Variants in CACNB4 observed in about 807,000 individuals in gnomAD.
CACNB4 encodes the protein voltage-dependent L-type calcium channel subunit beta-4.
A neutral mutation model predicts 71.2 loss-of-function variants in CACNB4; 32 were observed. The observed-to-expected ratio is 0.45, with a 90% confidence interval of 0.34 to 0.60. The LOEUF (loss-of-function observed/expected upper bound fraction) is 0.60. Ranked by LOEUF, CACNB4 falls within the 20% of genes least tolerant of loss-of-function variation. The probability of loss-of-function intolerance (pLI) is 0.01; values close to 1 mark genes in which losing one functional copy is unlikely to be tolerated. For missense variants in CACNB4, 464 were observed against 647.9 expected (o/e 0.72, Z 3.08); for synonymous variants, 231 against 236.9 (o/e 0.97, Z 0.23).
At chr2:152,018,806 AACAC>A (rs10600477) in intron 2 of CACNB4, among the ~76,000 whole-genome samples, 58,528 of 146,570 alleles carry the variant, frequency 0.4, 13,916 homozygotes, top group Non-Finnish European at 0.55. Context: ...CCTGTCTCAA[AACAC>A]ACACACACAC....
At chr2:152,038,296 G>A (rs1422163239) in intron 2 of CACNB4, among the ~76,000 whole-genome samples, 3 of 152,226 alleles carry the variant, frequency 2.0e-5, no homozygotes, top group African/African-American at 7.2e-5. Flanking sequence ...ACAAGTTGCT[G>A]AGAACCACGC....
At chr2:151,949,363 C>A (rs7564060) in intron 2 of CACNB4, among the ~76,000 whole-genome samples, 69,547 of 151,800 alleles carry the variant, frequency 0.46, 19,820 homozygotes, top group Non-Finnish European at 0.64. Flanking sequence ...GTAAAAGATA[C>A]AGAGAAGCAA....
intron 2 of CACNB4, among the ~76,000 whole-genome samples, chr2:151,982,565 G>A (rs954062338): frequency 9.9e-5 from 15 of 151,432 alleles, no homozygotes; most frequent in Admixed American, 7.2e-4. Context: ...ACCTGGAGGC[G>A]GAGCTTGCAG....
intron 2 of CACNB4, among the ~76,000 whole-genome samples, chr2:152,087,751 C>T (rs1036410082): frequency 7.9e-5 from 12 of 152,106 alleles, no homozygotes; most frequent in South Asian, 4.2e-4. Context: ...TGATGGTGCA[C>T]GCCTGCAGTC....
intron 2 of CACNB4, among the ~76,000 whole-genome samples, chr2:151,974,606 A>G (rs1189970905): frequency 1.3e-5 from 2 of 152,226 alleles, no homozygotes; most frequent in Admixed American, 6.5e-5. Context: ...GCAACAGCCA[A>G]TGTCTTCACG....
intron 2 of CACNB4, among the ~76,000 whole-genome samples, chr2:151,997,958 T>C (rs1266749026): frequency 1.3e-5 from 2 of 152,234 alleles, no homozygotes; most frequent in Non-Finnish European, 2.9e-5. Flanking sequence ...CTCATTACTC[T>C]ATTACACTGG....
chr2:152,049,680 G>A (rs1685319446), intron 2 of CACNB4, among the ~76,000 whole-genome samples: 1 of 151,806 alleles, frequency 6.6e-6, no homozygotes, highest in Non-Finnish European at 1.5e-5. Context: ...CCTAGATTCT[G>A]TCTCCCTATA....
intron 5 of CACNB4, among the ~76,000 whole-genome samples, chr2:151,875,304 T>C (rs1183679138): frequency 1.4e-5 from 2 of 147,674 alleles, no homozygotes; most frequent in African/African-American, 2.5e-5. Context: ...GAGCACAGGG[T>C]TGGGGGTAAG....
At chr2:151,879,456 T>TC (rs570445262) in intron 4 of CACNB4, 3 of 151,970 alleles carry the variant, frequency 2.0e-5, no homozygotes, top group Non-Finnish European at 4.4e-5. Flanking sequence ...CTTTTTTTTT[T>TC]TTATTATTGA....
chr2:151,945,383 G>A (rs750397341), intron 2 of CACNB4, among the ~76,000 whole-genome samples: 1 of 152,160 alleles, frequency 6.6e-6, no homozygotes, highest in Non-Finnish European at 1.5e-5. Flanking sequence ...TAACAATGGG[G>A]ATAGGCCGGG....
At chr2:152,095,489 A>T (rs1447745174) in intron 2 of CACNB4, among the ~76,000 whole-genome samples, 1 of 151,758 alleles carries the variant, frequency 6.6e-6, no homozygotes, top group South Asian at 2.1e-4. Context: ...TGTAAATAAT[A>T]TGATAAAGAA....
At chr2:151,986,944 G>T (rs1362861161) in intron 2 of CACNB4, among the ~76,000 whole-genome samples, 1 of 152,120 alleles carries the variant, frequency 6.6e-6, no homozygotes, top group Non-Finnish European at 1.5e-5. Flanking sequence ...GGTGCTCAAA[G>T]TGGTCATCTC....
intron 5 of CACNB4, 89 bp downstream of exon 5, chr2:151,876,337 A>C (rs1011852018): frequency 1.8e-6 from 2 of 1,120,152 alleles, no homozygotes; most frequent in Admixed American, 2.6e-5. Flanking sequence ...CACACAGAAA[A>C]GTATCTTCTA....
At chr2:152,017,965 C>T (rs543031257) in intron 2 of CACNB4, among the ~76,000 whole-genome samples, 25 of 151,662 alleles carry the variant, frequency 1.6e-4, no homozygotes, top group African/African-American at 5.1e-4. Flanking sequence ...CCAGAGTAGC[C>T]GGGATTACAG....
At chr2:151,938,852 A>G (rs901372252) in intron 2 of CACNB4, among the ~76,000 whole-genome samples, 2 of 152,208 alleles carry the variant, frequency 1.3e-5, no homozygotes, top group Non-Finnish European at 2.9e-5. Flanking sequence ...AATACAATGG[A>G]AAGGTTCAAG....
chr2:152,098,564 G>GCACCC lies in CACNB4; in HGVS notation c.64-152_64-151insGGGTG. ...GTCTCCTCCGCGACTCCCAAATACA[G>GCACCC]CCCCCACCCCCACCCACCCACTGCA... is the stretch of plus-strand genomic sequence containing the variant. On this transcript the variant is annotated intron_variant, in intron 1 of 13. Coordinates refer to ENST00000539935, the MANE Select transcript of CACNB4 (RefSeq NM_000726.5). The surrounding 1 kb of genome is among the most constrained non-coding windows in gnomAD (Gnocchi z 5.3). The GCACCC allele has an allele frequency of 1.1e-6, 1 of 931,268 alleles. No individual in the cohort carries two copies. The allele number at this position is 931,268 out of a possible 1,614,324, so 57.7% of individuals were successfully genotyped here.
chr2:151,985,549 C>T (rs1681308320), intron 2 of CACNB4, among the ~76,000 whole-genome samples: 2 of 152,152 alleles, frequency 1.3e-5, no homozygotes, highest in Non-Finnish European at 2.9e-5. Flanking sequence ...TACCTATTAG[C>T]TCAATGTGAA....
intron 2 of CACNB4, among the ~76,000 whole-genome samples, chr2:152,023,914 G>A (rs899353301): frequency 1.3e-5 from 2 of 152,214 alleles, no homozygotes; most frequent in Admixed American, 1.3e-4. Flanking sequence ...TGTCCTGGAG[G>A]CACATATCTG....
chr2:152,003,376 G>C (rs1329073218), intron 2 of CACNB4, among the ~76,000 whole-genome samples: 1 of 152,032 alleles, frequency 6.6e-6, no homozygotes, highest in Non-Finnish European at 1.5e-5. Context: ...AACCAGGGAG[G>C]TGGAGGTTGC....
Sources: allele counts gnomAD v4.1 joint callset (sites outside exome capture counted in the v4.1 genomes callset), GRCh38; gene constraint gnomAD v4.1.1; non-coding constraint Gnocchi (gnomAD v3.1); transcripts MANE v1.5; gene names NCBI Gene and HGNC (gene_info 2026-07-23, HGNC 2026-07-21).